The following DIPK1A variants were observed in gnomAD, a reference collection of about 807,000 sequenced individuals.
DIPK1A encodes family with sequence similarity 69 member A.
In DIPK1A, 27 loss-of-function variants were observed where a neutral mutation model predicts 40.8. The ratio of observed to expected loss-of-function variants is 0.66; its 90% CI spans 0.49 to 0.91. DIPK1A has a LOEUF of 0.91. Ranked by LOEUF, DIPK1A falls within the 40% of genes least tolerant of loss-of-function variation. The pLI is 0.00. For missense variants in DIPK1A, 412 were observed against 505.7 expected (o/e 0.81, Z 1.78); for synonymous variants, 166 against 171.3 (o/e 0.97, Z 0.24).
At chr1:92,840,703 G>C (rs1687323224), downstream of DIPK1A, 3 of 1,163,474 alleles carry the variant, frequency 2.6e-6, no homozygotes, top group Admixed American at 1.7e-5. Flanking sequence ...ACGTGGGGCA[G>C]ACTGTTGGTG....
intron 1 of DIPK1A, among the ~76,000 whole-genome samples, chr1:92,951,269 A>C (rs1651623433): frequency 6.6e-6 from 1 of 152,164 alleles, no homozygotes; most frequent in Non-Finnish European, 1.5e-5. Context: ...TTGAAGTTGG[A>C]GAAAGGGAAA....
At chr1:92,894,797 G>C (rs1299478994) in intron 1 of DIPK1A, among the ~76,000 whole-genome samples, 8 of 151,836 alleles carry the variant, frequency 5.3e-5, no homozygotes, top group Admixed American at 2.0e-4. Context: ...ATCAAATAGA[G>C]GCAATAAAAA....
At chr1:92,947,108 C>T (rs1407825184) in intron 1 of DIPK1A, among the ~76,000 whole-genome samples, 1 of 152,022 alleles carries the variant, frequency 6.6e-6, no homozygotes, top group Non-Finnish European at 1.5e-5. Context: ...TACGACTATA[C>T]TCATCTATTA....
chr1:92,874,232 T>C (rs893129331), intron 2 of DIPK1A, among the ~76,000 whole-genome samples: 3 of 152,338 alleles, frequency 2.0e-5, no homozygotes, highest in Admixed American at 2.0e-4. Context: ...TGACAGAATA[T>C]GTACCAATAT....
intron 4 of DIPK1A, chr1:92,834,714 ATAAT>A (rs1451329755): frequency 6.9e-6 from 11 of 1,598,546 alleles, no homozygotes; most frequent in East Asian, 2.2e-5. Context: ...CCCTTGAAAA[ATAAT>A]TAAGATGTAG....
At chr1:92,915,764 CT>C (rs1650029465) in intron 1 of DIPK1A, among the ~76,000 whole-genome samples, 1 of 152,146 alleles carries the variant, frequency 6.6e-6, no homozygotes, top group Non-Finnish European at 1.5e-5. Context: ...CAATTTCATT[CT>C]TAAGTATATA....
At chr1:92,864,012 C>T (rs746236900) in intron 2 of DIPK1A, among the ~76,000 whole-genome samples, 1 of 151,982 alleles carries the variant, frequency 6.6e-6, no homozygotes, top group Non-Finnish European at 1.5e-5. Context: ...AGCTGAGATG[C>T]GCCACTGCAC....
downstream of DIPK1A, chr1:92,837,640 C>T: frequency 6.2e-7 from 1 of 1,609,492 alleles, no homozygotes; most frequent in South Asian, 1.1e-5. Context: ...CATGGTAAAA[C>T]ATTTACCTAA....
chr1:92,960,510 T>C (rs973988144), intron 1 of DIPK1A, among the ~76,000 whole-genome samples: 12 of 152,170 alleles, frequency 7.9e-5, no homozygotes, highest in African/African-American at 2.9e-4. Context: ...TGCGCTCAGC[T>C]ACTCGCGGTG....
intron 1 of DIPK1A, among the ~76,000 whole-genome samples, chr1:92,895,681 G>T (rs1649126107): frequency 6.6e-6 from 1 of 152,038 alleles, no homozygotes; most frequent in East Asian, 1.9e-4. Flanking sequence ...AGGAAATAAA[G>T]GGTATTCGAT....
intron 1 of DIPK1A, among the ~76,000 whole-genome samples, chr1:92,936,202 T>C (rs1650939885): frequency 6.6e-6 from 1 of 152,172 alleles, no homozygotes; most frequent in Non-Finnish European, 1.5e-5. Flanking sequence ...AGAAAAACAA[T>C]GTCAGAAAAA....
At chr1:92,929,668 T>C (rs555540544) in intron 1 of DIPK1A, among the ~76,000 whole-genome samples, 11 of 152,322 alleles carry the variant, frequency 7.2e-5, no homozygotes, top group African/African-American at 2.4e-4. Context: ...TTACAATATA[T>C]AAATACATAT....
chr1:92,951,600 G>T (rs776342039), intron 1 of DIPK1A, among the ~76,000 whole-genome samples: 4 of 152,154 alleles, frequency 2.6e-5, no homozygotes, highest in Non-Finnish European at 5.9e-5. Flanking sequence ...TAAATTTGTG[G>T]TAATTCGTTA....
chr1:92,909,783 A>G (rs1449490470), intron 1 of DIPK1A, among the ~76,000 whole-genome samples: 1 of 152,218 alleles, frequency 6.6e-6, no homozygotes, highest in African/African-American at 2.4e-5. Flanking sequence ...AATAACAGCA[A>G]TCATTTTAAG....
intron 2 of DIPK1A, among the ~76,000 whole-genome samples, chr1:92,872,759 C>T (rs1349593317): frequency 6.6e-6 from 1 of 152,186 alleles, no homozygotes; most frequent in East Asian, 1.9e-4. Flanking sequence ...GGGTATATAG[C>T]CCTCTAGGAT....
chr1:92,848,980 CT>C (rs1434399138), intron 3 of DIPK1A, among the ~76,000 whole-genome samples: 1 of 152,158 alleles, frequency 6.6e-6, no homozygotes, highest in Non-Finnish European at 1.5e-5. Flanking sequence ...AGATATTCTA[CT>C]GTTTTATTCT....
intron 4 of DIPK1A, among the ~76,000 whole-genome samples, chr1:92,834,116 G>C (rs2100678536): frequency 6.6e-6 from 1 of 152,094 alleles, no homozygotes; most frequent in East Asian, 1.9e-4. Flanking sequence ...TGTGTGGGGT[G>C]GGGAGATTAG....
chr1:92,934,883 T>C (rs766701451), intron 1 of DIPK1A, among the ~76,000 whole-genome samples: 9 of 152,010 alleles, frequency 5.9e-5, no homozygotes, highest in Non-Finnish European at 1.2e-4. Context: ...GTTCTACAGA[T>C]GGAGATTGAT....
chr1:92,840,248 T>TTC (rs1379808015), downstream of DIPK1A: 22 of 351,822 alleles, frequency 6.3e-5, no homozygotes, highest in African/African-American at 4.7e-4. Flanking sequence ...TGGGCTGAAG[T>TTC]GATCCTCCCA....
Sources: allele counts gnomAD v4.1 joint callset (sites outside exome capture counted in the v4.1 genomes callset), GRCh38; gene constraint gnomAD v4.1.1; transcripts MANE v1.5; gene names NCBI Gene and HGNC (gene_info 2026-07-23, HGNC 2026-07-21).